The following TNFAIP3 variants were observed in gnomAD, a reference collection of about 807,000 sequenced individuals.
The protein encoded by TNFAIP3 is TNF alpha induced protein 3.
A neutral mutation model predicts 72.4 loss-of-function variants in TNFAIP3; 9 were observed. The observed-to-expected ratio is 0.12, with a 90% confidence interval of 0.07 to 0.22. The LOEUF (loss-of-function observed/expected upper bound fraction) is 0.22. Among genes scored for constraint, TNFAIP3 ranks in the 10% least tolerant of loss-of-function variants. TNFAIP3 has a pLI of 1.00. For missense variants in TNFAIP3, 833 were observed against 1,018.7 expected (o/e 0.82, Z 2.48); for synonymous variants, 339 against 372.6 (o/e 0.91, Z 1.04).
chr6:137,869,550 A>G (rs1348614303), intron 1 of TNFAIP3, among the ~76,000 whole-genome samples: 1 of 152,202 alleles, frequency 6.6e-6, no homozygotes, highest in East Asian at 1.9e-4. Context: ...GACTCCCACT[A>G]TGCCTTTCCC....
At chr6:137,873,220 G>T (rs940690498) in intron 2 of TNFAIP3, among the ~76,000 whole-genome samples, 2 of 152,102 alleles carry the variant, frequency 1.3e-5, no homozygotes, top group African/African-American at 4.8e-5. Context: ...ATTTTAATTA[G>T]CACCTTTTAA....
At chr6:137,874,447 C>T (rs1415126610) in intron 2 of TNFAIP3, among the ~76,000 whole-genome samples, 3 of 152,180 alleles carry the variant, frequency 2.0e-5, no homozygotes, top group Admixed American at 1.3e-4. Flanking sequence ...ATGCCAGTGC[C>T]TTCACCAGCA....
intron 7 of TNFAIP3, 70 bp downstream of exon 7, chr6:137,879,421 G>A: frequency 6.6e-7 from 1 of 1,509,844 alleles, no homozygotes; most frequent in Admixed American, 2.2e-5. Context: ...TGACCTTTAA[G>A]AAAAAAAGCC....
Position 137,880,250 on chromosome 6 carries a change from C to A in TNFAIP3, c.2086C>A (p.Leu696Met). ...FHEAKRTEEQ[L>M]RSSQRRDVPR... ...TGAGGCCAAAAGGACAGAAGAGCAA[C>A]TGGTGAGACACTTGGAGGAGCTTTC... Residue 696 changes from leucine (L) to methionine (M), a missense_variant and splice_region_variant, in exon 8 of 9, where the codon CTG (leucine) becomes ATG (methionine). Transcript: ENST00000612899. The A allele has an allele frequency of 6.2e-7, 1 of 1,614,108 alleles. No homozygotes were observed. The highest frequency in any genetic ancestry group is 8.5e-7 in the Non-Finnish European group (1 of 1,180,030).
chr6:137,868,805 C>T (rs5029928), intron 1 of TNFAIP3, among the ~76,000 whole-genome samples: 29,119 of 151,964 alleles, frequency 0.19, 5,020 homozygotes, highest in African/African-American at 0.47. Flanking sequence ...ACCTGGAAAT[C>T]TGGGCAGTGG....
In TNFAIP3 at chr6:137,871,579, T is replaced by TC; in HGVS notation, c.295+61dup. 1.9e-6 allele frequency: 3 copies of TC among 1,570,508 alleles called. No individual in the cohort carries two copies. The highest frequency in any genetic ancestry group is 2.6e-6 in the Non-Finnish European group (3 of 1,157,654). Reference sequence around the variant, plus strand: ...TGGGTGATAGCTCCCGCCTGCTGGATCCCCATTCATGAAGCTTTAATAGGA... The same window carrying TC: ...TGGGTGATAGCTCCCGCCTGCTGGATCCCCCATTCATGAAGCTTTAATAGGA... On this transcript the variant is annotated intron_variant, in intron 2 of 8. Coordinates refer to ENST00000612899, the MANE Select transcript of TNFAIP3 (RefSeq NM_001270508.2). This position sits in a 1 kb window ranked among gnomAD's most constrained non-coding sequence, Gnocchi z 4.2.
rs1472782728 is a variant in TNFAIP3, at chr6:137,881,178, C to G, written c.2232C>G (p.Gly744=). Residue 744 remains glycine (G), a synonymous_variant, in exon 9 of 9, where the codon GGC becomes GGG. Transcript: ENST00000612899. This position sits in a 1 kb window ranked among gnomAD's most constrained non-coding sequence, Gnocchi z 5.0. ...MECQHPNQRM[G]PGAHRGEPAP... is the part of the protein sequence containing the mutation. ...GTCAGCATCCCAACCAGAGGATGGG[C>G]CCTGGGGCCCACCGGGGTGAGCCTG... The G allele has an allele frequency of 1.9e-6, 3 of 1,613,744 alleles. No individual in the cohort carries two copies. The highest frequency in any genetic ancestry group is 2.5e-6 in the Non-Finnish European group (3 of 1,180,008).
intron 1 of TNFAIP3, among the ~76,000 whole-genome samples, chr6:137,870,895 C>G (rs964241929): frequency 6.6e-6 from 1 of 152,308 alleles, no homozygotes; most frequent in East Asian, 1.9e-4. Flanking sequence ...GGAGCAGTAC[C>G]TGTTGCTGAC....
rs1475426165 is a variant in TNFAIP3, at chr6:137,883,265, G to A, written c.*1946G>A. 5.3e-6 allele frequency: 1 copy of A among 189,796 alleles called. No homozygotes were observed. Among genetic ancestry groups the A allele is most frequent in the African/African-American group, 2.3e-5 (1 of 42,926 alleles). 11.8% of individuals were successfully genotyped at this position (189,796 alleles called of 1,614,324 possible). On this transcript the variant is annotated 3_prime_UTR_variant, in exon 9 of 9. Coordinates refer to ENST00000612899, the MANE Select transcript of TNFAIP3 (RefSeq NM_001270508.2). The stretch of plus-strand genomic sequence containing the variant: ...TTTCTTCAAGTTTTTCTAAATAAAT[G>A]TAACTTTTCACAAGAGTCAACATTA...
chr6:137,879,048 A>T lies in TNFAIP3; in HGVS notation c.1603A>T (p.Ile535Phe). 6.2e-7 allele frequency: 1 copy of T among 1,614,200 alleles called. No individual in the cohort carries two copies. The highest frequency in any genetic ancestry group is 8.5e-7 in the Non-Finnish European group (1 of 1,180,030). The change falls in exon 7 of 9, where the codon ATC becomes TTC. Residue 535 changes from isoleucine to phenylalanine, a missense_variant. Physicochemically the swap from Ile to Phe is conservative, Grantham distance 21. Around this residue, in one of 2 missense-constraint regions of TNFAIP3, gnomAD observed 587 missense variants for 657.8 expected, o/e 0.89. Transcript: ENST00000612899. Reference protein sequence around the residue: ...LQDVTRTFNGICSTCFKRTTA... With the variant: ...LQDVTRTFNGFCSTCFKRTTA... ...GGATGTTACCAGGACATTTAATGGG[A>T]TCTGCAGTACTTGCTTCAAAAGGAC...
Position 137,882,937 on chromosome 6 carries a change from T to C in TNFAIP3, c.*1618T>C, listed in dbSNP as rs533996324. 4.3e-4 allele frequency: 98 copies of C among 226,628 alleles called. 1 individual carries two copies. Among genetic ancestry groups the C allele is most frequent in the African/African-American group, 2.0e-3 (91 of 45,032 alleles). The allele number at this position is 226,628 out of a possible 1,614,324, so 14.0% of individuals were successfully genotyped here. A position where few individuals can be genotyped will look rare whatever the true frequency, so the allele number is the denominator to read the frequency against. ...CTGCCATTTTGGGGGTCTGTACTTA[T>C]GGCCTGAAAATATTTGTGATCCATA... On this transcript the variant is annotated 3_prime_UTR_variant, in exon 9 of 9. Transcript: ENST00000612899.
intron 1 of TNFAIP3, among the ~76,000 whole-genome samples, chr6:137,869,846 G>A (rs1047131500): frequency 6.6e-6 from 1 of 152,208 alleles, no homozygotes; most frequent in African/African-American, 2.4e-5. Flanking sequence ...AAATTTCCTA[G>A]GGAATGTCTT....
rs566453974 is a variant in TNFAIP3 at position 137,880,609 on chromosome 6, C to T, written c.2088+357C>T. Among the ~76,000 whole-genome samples, 88 of 150,416 alleles carry T rather than the reference C, an allele frequency of 5.9e-4. 1 individual carries two copies. Among genetic ancestry groups the T allele is most frequent in the African/African-American group, 2.1e-3 (85 of 40,684 alleles). On this transcript the variant is annotated intron_variant, in intron 8 of 8. Transcript: ENST00000612899. Reference sequence around the variant, plus strand: ...AAAAAGCAGCCCTTCTTAAATAATCCTTTATCATAAGGAGCGAACAGACAG... The same window carrying T: ...AAAAAGCAGCCCTTCTTAAATAATCTTTTATCATAAGGAGCGAACAGACAG...
At chr6:137,872,022 T>C (rs1776080128) in intron 2 of TNFAIP3, among the ~76,000 whole-genome samples, 3 of 152,262 alleles carry the variant, frequency 2.0e-5, no homozygotes, top group Admixed American at 2.0e-4. Context: ...CATGAAGAAC[T>C]TCTTTTGTCT....
chr6:137,882,599 C>G lies in TNFAIP3; in HGVS notation c.*1280C>G, dbSNP rs1776499578. 1 of 232,830 alleles carries G rather than the reference C, an allele frequency of 4.3e-6. No homozygotes were observed. Among genetic ancestry groups the G allele is most frequent in the Non-Finnish European group, 8.5e-6 (1 of 117,758 alleles). The allele number at this position is 232,830 out of a possible 1,614,324, so 14.4% of individuals were successfully genotyped here. ...TATACTCTGTGTTCTGTTAATGCCTCTGAGTGTCCTACCTCCTTGGAGATG... is the reference window on the plus strand; with the variant it reads ...TATACTCTGTGTTCTGTTAATGCCTGTGAGTGTCCTACCTCCTTGGAGATG... On this transcript the variant is annotated 3_prime_UTR_variant, in exon 9 of 9. Transcript: ENST00000612899.
In TNFAIP3 at chr6:137,871,483, T is replaced by C; in HGVS notation, c.256T>C (p.Cys86Arg). Residue 86 changes from cysteine to arginine, a missense_variant, in exon 2 of 9, where the codon TGT becomes CGT. Around this residue, in one of 2 missense-constraint regions of TNFAIP3, gnomAD observed 246 missense variants for 360.9 expected, o/e 0.68. Coordinates refer to ENST00000612899, the MANE Select transcript of TNFAIP3 (RefSeq NM_001270508.2). This position sits in a 1 kb window ranked among gnomAD's most constrained non-coding sequence, Gnocchi z 4.2. ...GGAAAGCCAGAAGAAACTCAACTGG[T>C]GTCGAGAAGTCCGGAAGCTTGTGGC... ...TLESQKKLNW[C>R]REVRKLVALK... 6.2e-7 allele frequency: 1 copy of C among 1,614,114 alleles called. No homozygotes were observed.
chr6:137,871,199 C>A lies in TNFAIP3; in HGVS notation c.-15-14C>A. On this transcript the variant is annotated splice_polypyrimidine_tract_variant and intron_variant, in intron 1 of 8. Coordinates refer to ENST00000612899, the MANE Select transcript of TNFAIP3 (RefSeq NM_001270508.2). The surrounding 1 kb of genome is among the most constrained non-coding windows in gnomAD (Gnocchi z 4.2). The stretch of plus-strand genomic sequence containing the variant: ...GCTAATAGAATGGCTTTTTTTTTTT[C>A]CTTTCCTTTTCAGGTGTTGGAGAGC... 1.1e-5 allele frequency: 17 copies of A among 1,532,122 alleles called. No homozygotes were observed. The highest frequency in any genetic ancestry group is 2.1e-5 in the Admixed American group (1 of 46,706). 94.9% of individuals were successfully genotyped at this position (1,532,122 alleles called of 1,614,324 possible). A position where few individuals can be genotyped will look rare whatever the true frequency, so the allele number is the denominator to read the frequency against.
rs750813594 is a variant in TNFAIP3, at chr6:137,871,161, G to T, written c.-15-52G>T. The T allele has an allele frequency of 6.6e-7, 1 of 1,512,364 alleles. No homozygotes were observed. Among genetic ancestry groups the T allele is most frequent in the Non-Finnish European group, 8.9e-7 (1 of 1,127,896 alleles). 93.7% of individuals were successfully genotyped at this position (1,512,364 alleles called of 1,614,324 possible). On this transcript the variant is annotated intron_variant, in intron 1 of 8. Transcript: ENST00000612899. This position sits in a 1 kb window ranked among gnomAD's most constrained non-coding sequence, Gnocchi z 4.2. Reference sequence around the variant, plus strand: ...TCCTGCAGGCAGCTATAGAGGAGTCGTATTAAAGTCAGGCTAATAGAATGG... The same window carrying T: ...TCCTGCAGGCAGCTATAGAGGAGTCTTATTAAAGTCAGGCTAATAGAATGG...
rs1169022254 is a variant in TNFAIP3, at chr6:137,879,312, T to G, written c.1867T>G (p.Phe623Val). The G allele has an allele frequency of 6.2e-7, 1 of 1,614,096 alleles. No individual in the cohort carries two copies. The highest frequency in any genetic ancestry group is 8.5e-7 in the Non-Finnish European group (1 of 1,179,994). Residue 623 changes from phenylalanine (F) to valine (V), a missense_variant, in exon 7 of 9, where the codon TTT (phenylalanine) becomes GTT (valine). Around this residue, in one of 2 missense-constraint regions of TNFAIP3, gnomAD observed 587 missense variants for 657.8 expected, o/e 0.89. Transcript: ENST00000612899. ...VYFGTPENKG[F>V]CTLCFIEYRE... ...TTTTGGGACTCCAGAAAACAAGGGC[T>G]TTTGCACACTGTGTTTCATCGAGTA...
Sources: gnomAD v4.1 joint callset for allele counts (sites outside exome capture counted in the v4.1 genomes callset) on GRCh38, gnomAD v4.1.1 for gene constraint, gnomAD v4.1.1 regional missense constraint, Gnocchi (gnomAD v3.1) non-coding constraint, MANE v1.5 for transcripts, NCBI Gene and HGNC (gene_info 2026-07-23, HGNC 2026-07-21) for gene names.